MOB4: variants seen among roughly 807,000 people sequenced by gnomAD.
MOB4 encodes the protein MOB family member 4, phocein, also known as MOB-like protein phocein.
In MOB4, 4 loss-of-function variants were observed where a neutral mutation model predicts 32.2. The observed-to-expected ratio is 0.12, with a 90% CI of 0.06 to 0.28. The LOEUF (loss-of-function observed/expected upper bound fraction) is 0.28, where lower values mean the gene tolerates loss of function less well. Among genes scored for constraint, MOB4 ranks in the 10% least tolerant of loss-of-function variants. MOB4 has a pLI of 1.00. For missense variants in MOB4, 158 were observed against 271.2 expected (o/e 0.58, Z 2.93); for synonymous variants, 88 against 88.1 (o/e 1.00, Z 0.01).
Position 197,535,525 on chromosome 2 carries a change from T to C in MOB4, c.124-5T>C. On this transcript the variant is annotated splice_polypyrimidine_tract_variant and splice_region_variant and intron_variant, in intron 2 of 7. Coordinates refer to ENST00000323303, the MANE Select transcript of MOB4 (RefSeq NM_015387.5). ...AATTAACCATAAGAACTTCTTTGTT[T>C]TTAGTATATTCAACAGAACATAAGA... 6.3e-7 allele frequency: 1 copy of C among 1,585,488 alleles called. No homozygotes were observed. The highest frequency in any genetic ancestry group is 1.2e-5 in the South Asian group (1 of 85,578).
intron 2 of MOB4, among the ~76,000 whole-genome samples, chr2:197,528,790 G>C (rs1467045931): frequency 6.6e-6 from 1 of 151,016 alleles, no homozygotes; most frequent in Non-Finnish European, 1.5e-5. Context: ...TAATTTTTTT[G>C]TATTTTTAGT....
chr2:197,530,465 A>G (rs1351344851), intron 2 of MOB4, among the ~76,000 whole-genome samples: 5 of 150,238 alleles, frequency 3.3e-5, no homozygotes, highest in South Asian at 4.2e-4. Flanking sequence ...TGGTCTCGCT[A>G]TGTTGCCTAG....
At chr2:197,547,072 C>CT (rs1238876096) in intron 5 of MOB4, among the ~76,000 whole-genome samples, 4 of 145,344 alleles carry the variant, frequency 2.8e-5, no homozygotes, top group Admixed American at 1.3e-4. Flanking sequence ...ATAGTGAGAC[C>CT]TTCTTTCTTT....
intron 5 of MOB4, among the ~76,000 whole-genome samples, chr2:197,547,264 A>G (rs886427503): frequency 6.6e-6 from 1 of 152,110 alleles, no homozygotes; most frequent in Non-Finnish European, 1.5e-5. Context: ...ACGCAGTTCA[A>G]ACCTGTGTTG....
chr2:197,522,359 C>CT (rs2086536331), intron 1 of MOB4, among the ~76,000 whole-genome samples: 2 of 97,670 alleles, frequency 2.0e-5, no homozygotes, highest in South Asian at 7.3e-4. Flanking sequence ...GAGATGGAGT[C>CT]TTGCTCTGTC....
At chr2:197,536,275 CG>C (rs1369113760) in intron 3 of MOB4, among the ~76,000 whole-genome samples, 1 of 152,046 alleles carries the variant, frequency 6.6e-6, no homozygotes, top group Admixed American at 6.6e-5. Flanking sequence ...GCAATCTTGG[CG>C]CATTGCAGCC....
intron 4 of MOB4, 24 bp from the exon 5 acceptor site, chr2:197,540,327 A>G (rs1323462029): frequency 6.6e-7 from 1 of 1,514,646 alleles, no homozygotes; most frequent in African/African-American, 1.4e-5. Context: ...TTTACATATT[A>G]AGAAATATAA....
intron 3 of MOB4, among the ~76,000 whole-genome samples, chr2:197,537,813 C>T (rs749980883): frequency 6.6e-5 from 10 of 152,114 alleles, no homozygotes; most frequent in Non-Finnish European, 1.5e-4. Context: ...TCGAGTCTCG[C>T]TTTGTCACCA....
Position 197,541,325 on chromosome 2 carries a change from G to A in MOB4, c.354+888G>A, listed in dbSNP as rs140447089. Among the ~76,000 whole-genome samples, 172 of 152,114 alleles carry A rather than the reference G, an allele frequency of 1.1e-3. 1 individual carries two copies. The highest frequency in any genetic ancestry group is 4.0e-3 in the African/African-American group (166 of 41,494). The stretch of plus-strand genomic sequence containing the variant: ...TTATGCATTGCTTTTCCCTTAATCT[G>A]TATTCCCATTTAATCTGTTATAATT... On this transcript the variant is annotated intron_variant, in intron 5 of 7. Coordinates refer to ENST00000323303, the MANE Select transcript of MOB4 (RefSeq NM_015387.5).
At chr2:197,526,220 G>T (rs1157484543) in intron 2 of MOB4, among the ~76,000 whole-genome samples, 1 of 152,072 alleles carries the variant, frequency 6.6e-6, no homozygotes, top group Non-Finnish European at 1.5e-5. Flanking sequence ...TTATTCGTAG[G>T]TCATTCAGTG....
At chr2:197,524,427 G>C (rs2086572271) in intron 2 of MOB4, among the ~76,000 whole-genome samples, 1 of 151,436 alleles carries the variant, frequency 6.6e-6, no homozygotes, top group Non-Finnish European at 1.5e-5. Context: ...AGCTACTCGG[G>C]AGGGCTAAGG....
At chr2:197,536,842 C>T (rs951404919) in intron 3 of MOB4, among the ~76,000 whole-genome samples, 15 of 151,788 alleles carry the variant, frequency 9.9e-5, no homozygotes, top group African/African-American at 1.7e-4. Context: ...ATGATCTGCC[C>T]GCCTCAGCCT....
chr2:197,522,980 A>C (rs897205933), intron 1 of MOB4, among the ~76,000 whole-genome samples: 3 of 151,968 alleles, frequency 2.0e-5, no homozygotes, highest in African/African-American at 7.2e-5. Context: ...GCACCACTGC[A>C]CTCCAGCCTG....
intron 3 of MOB4, among the ~76,000 whole-genome samples, chr2:197,538,943 T>A (rs895333057): frequency 1.2e-4 from 18 of 152,224 alleles, no homozygotes; most frequent in Admixed American, 9.2e-4. Context: ...TACAAACAAC[T>A]GAAAATTTGA....
At chr2:197,529,244 A>G (rs949018355) in intron 2 of MOB4, among the ~76,000 whole-genome samples, 2 of 152,222 alleles carry the variant, frequency 1.3e-5, no homozygotes, top group East Asian at 3.8e-4. Flanking sequence ...CTGGGATTAC[A>G]GACATGAGCC....
intron 5 of MOB4, among the ~76,000 whole-genome samples, chr2:197,542,853 A>G (rs1030262502): frequency 4.6e-5 from 7 of 152,210 alleles, no homozygotes; most frequent in South Asian, 2.1e-4. Context: ...GAAGGCAGCT[A>G]AAAACAATGC....
intron 1 of MOB4, among the ~76,000 whole-genome samples, chr2:197,518,227 C>T (rs926552142): frequency 6.6e-6 from 1 of 151,958 alleles, no homozygotes; most frequent in Non-Finnish European, 1.5e-5. Context: ...AATATAGGCA[C>T]ATAGTTGGTT....
intron 5 of MOB4, among the ~76,000 whole-genome samples, chr2:197,544,887 G>A (rs7568250): frequency 0.71 from 107,402 of 152,074 alleles, 38,677 homozygotes; most frequent in Middle Eastern, 0.86. Flanking sequence ...GCTAAAATAG[G>A]AAAGATAGAC....
intron 1 of MOB4, among the ~76,000 whole-genome samples, chr2:197,522,252 C>T (rs1414720814): frequency 6.6e-6 from 1 of 151,008 alleles, no homozygotes; most frequent in Non-Finnish European, 1.5e-5. Flanking sequence ...TTACTATAGT[C>T]ACCCTATTGT....
Sources: allele counts gnomAD v4.1 joint callset (sites outside exome capture counted in the v4.1 genomes callset), GRCh38; gene constraint gnomAD v4.1.1; transcripts MANE v1.5; gene names NCBI Gene and HGNC (gene_info 2026-07-23, HGNC 2026-07-21).